The following RBFOX1 variants were observed in gnomAD, a reference collection of about 807,000 sequenced individuals.
RBFOX1 encodes the protein RNA binding fox-1 homolog 1.
A neutral mutation model predicts 57.7 loss-of-function variants in RBFOX1; 8 were observed. The ratio of observed to expected loss-of-function variants is 0.14; its 90% CI spans 0.08 to 0.25. The LOEUF is 0.25. Among genes scored for constraint, RBFOX1 ranks in the 10% least tolerant of loss-of-function variants. The pLI is 1.00. For synonymous variants in RBFOX1, 326 were observed against 222.4 expected (o/e 1.47, Z -4.15); for missense variants, 611 against 548.5 (o/e 1.11, Z -1.14).
At chr16:5,478,580 C>G (rs2069412346) in intron 2 of RBFOX1, among the ~76,000 whole-genome samples, 1 of 152,198 alleles carries the variant, frequency 6.6e-6, no homozygotes, top group Admixed American at 6.5e-5. Flanking sequence ...ATTAGAAGCG[C>G]TAACAAATTC....
At chr16:6,250,575 A>G (rs1243409262) in intron 1 of RBFOX1, among the ~76,000 whole-genome samples, 1 of 152,154 alleles carries the variant, frequency 6.6e-6, no homozygotes, top group Non-Finnish European at 1.5e-5. Flanking sequence ...GTTAATTTTC[A>G]TGCAGGAGAA....
intron 3 of RBFOX1, among the ~76,000 whole-genome samples, chr16:6,673,449 C>T (rs529033537): frequency 1.2e-3 from 177 of 151,980 alleles, no homozygotes; most frequent in African/African-American, 3.9e-3. Flanking sequence ...TTAGTCGGGC[C>T]TGGTGGTGCA....
At chr16:5,960,696 A>G (rs184854625) in intron 4 of RBFOX1, among the ~76,000 whole-genome samples, 332 of 152,256 alleles carry the variant, frequency 2.2e-3, no homozygotes, top group African/African-American at 7.8e-3. Flanking sequence ...AGAGTTTTCA[A>G]CTTCACAGAG....
intron 1 of RBFOX1, among the ~76,000 whole-genome samples, chr16:6,051,103 G>A (rs535869804): frequency 1.3e-5 from 2 of 150,516 alleles, no homozygotes; most frequent in Non-Finnish European, 3.0e-5. Flanking sequence ...AGTAATTGCA[G>A]TTTTTTCCCA....
chr16:6,780,362 C>CATATTTATAGAT (rs2080674373), intron 3 of RBFOX1, among the ~76,000 whole-genome samples: 2 of 78,352 alleles, frequency 2.6e-5, no homozygotes, highest in African/African-American at 1.3e-4. Context: ...TATTTATATA[C>CATATTTATAGAT]ATATTTATAG....
chr16:5,726,425 C>G (rs990981774), intron 3 of RBFOX1, among the ~76,000 whole-genome samples: 1 of 152,176 alleles, frequency 6.6e-6, no homozygotes, highest in Admixed American at 6.5e-5. Context: ...GACAACAACC[C>G]CTCCATTGCC....
chr16:7,373,843 T>C (rs1038141746), intron 4 of RBFOX1, among the ~76,000 whole-genome samples: 1 of 152,224 alleles, frequency 6.6e-6, no homozygotes, highest in African/African-American at 2.4e-5. Context: ...ATTCACGTTT[T>C]AAAGATGCTC....
At chr16:6,579,445 G>T (rs1283327639) in intron 2 of RBFOX1, among the ~76,000 whole-genome samples, 2 of 152,104 alleles carry the variant, frequency 1.3e-5, no homozygotes, top group African/African-American at 4.8e-5. Flanking sequence ...GTCATGGGAG[G>T]GACCTGGTGG....
At chr16:7,461,180 T>TTA (rs1384085314) in intron 4 of RBFOX1, among the ~76,000 whole-genome samples, 1 of 152,086 alleles carries the variant, frequency 6.6e-6, no homozygotes, top group African/African-American at 2.4e-5. Flanking sequence ...AAACAATTTT[T>TTA]TTTTTTTTGA....
intron 2 of RBFOX1, among the ~76,000 whole-genome samples, chr16:6,349,618 C>G (rs533617518): frequency 1.3e-5 from 2 of 152,294 alleles, no homozygotes; most frequent in East Asian, 3.9e-4. Flanking sequence ...CTCCAGCTTG[C>G]AGAGAGTGCA....
chr16:5,870,651 G>C (rs2057448602), intron 4 of RBFOX1, among the ~76,000 whole-genome samples: 1 of 151,138 alleles, frequency 6.6e-6, no homozygotes, highest in Non-Finnish European at 1.5e-5. Flanking sequence ...TTTTCCTAAG[G>C]CTGAATTATC....
chr16:7,367,977 A>G (rs559028365), intron 4 of RBFOX1, among the ~76,000 whole-genome samples: 41 of 152,038 alleles, frequency 2.7e-4, no homozygotes, highest in Non-Finnish European at 7.4e-5. Context: ...TCTTTACTCT[A>G]AAGAGAGAGC....
chr16:7,287,234 A>G (rs1464882700), intron 4 of RBFOX1, among the ~76,000 whole-genome samples: 1 of 152,224 alleles, frequency 6.6e-6, no homozygotes, highest in Non-Finnish European at 1.5e-5. Flanking sequence ...GAGCTAGTAA[A>G]GACAAGCAGT....
At chr16:6,044,689 C>T (rs76717006) in intron 1 of RBFOX1, among the ~76,000 whole-genome samples, 8,317 of 152,126 alleles carry the variant, frequency 0.055, 774 homozygotes, top group African/African-American at 0.19. Context: ...TGTGCGGAAA[C>T]TATTATATAA....
chr16:6,333,905 A>T (rs1191602176), intron 2 of RBFOX1, among the ~76,000 whole-genome samples: 1 of 152,214 alleles, frequency 6.6e-6, no homozygotes, highest in Admixed American at 6.5e-5. Context: ...AAGCCACCCT[A>T]TGCTAACTCA....
At chr16:7,340,284 A>T (rs1488770035) in intron 4 of RBFOX1, among the ~76,000 whole-genome samples, 1 of 152,148 alleles carries the variant, frequency 6.6e-6, no homozygotes, top group Non-Finnish European at 1.5e-5. Flanking sequence ...CTCCCCCATA[A>T]CTTTGCACAC....
At chr16:5,871,612 G>A (rs118126344) in intron 4 of RBFOX1, among the ~76,000 whole-genome samples, 1,672 of 152,244 alleles carry the variant, frequency 0.011, 14 homozygotes, top group Non-Finnish European at 0.013. Flanking sequence ...TTGCAAATGC[G>A]TATGTCTGAG....
At chr16:6,121,400 G>C (rs917116646) in intron 1 of RBFOX1, among the ~76,000 whole-genome samples, 3 of 152,148 alleles carry the variant, frequency 2.0e-5, no homozygotes, top group African/African-American at 7.2e-5. Flanking sequence ...ACCACCTTTG[G>C]AGAAACACCA....
intron 3 of RBFOX1, among the ~76,000 whole-genome samples, chr16:6,777,170 A>C (rs1430767174): frequency 6.6e-6 from 1 of 151,776 alleles, no homozygotes; most frequent in East Asian, 1.9e-4. Flanking sequence ...TTTCTAGGGT[A>C]TTTTCTGAGC....
Sources: gnomAD v4.1 joint callset for allele counts (sites outside exome capture counted in the v4.1 genomes callset) on GRCh38, gnomAD v4.1.1 for gene constraint, MANE v1.5 for transcripts, NCBI Gene and HGNC (gene_info 2026-07-23, HGNC 2026-07-21) for gene names.